TRAM2: variants seen among roughly 807,000 people sequenced by gnomAD.
TRAM2 encodes the protein translocation associated membrane protein 2, also known as translocating chain-associated membrane protein 2.
In TRAM2, 12 loss-of-function variants were observed where a neutral mutation model predicts 51.0. The ratio of observed to expected loss-of-function variants is 0.24; its 90% confidence interval spans 0.15 to 0.38. TRAM2 has a LOEUF of 0.38. TRAM2 is among the 10% of genes least tolerant of loss of function. The pLI, the probability that TRAM2 is intolerant of heterozygous loss-of-function variation, is 1.00. For missense variants in TRAM2, 361 were observed against 462.0 expected (o/e 0.78, Z 2.00); for synonymous variants, 175 against 179.4 (o/e 0.98, Z 0.20).
intron 1 of TRAM2, among the ~76,000 whole-genome samples, chr6:52,541,460 T>C (rs1439739849): frequency 6.6e-6 from 1 of 152,242 alleles, no homozygotes; most frequent in African/African-American, 2.4e-5. Context: ...AAACTTTACC[T>C]GATTCTACTT....
At chr6:52,520,655 A>G (rs1487786449) in intron 2 of TRAM2, among the ~76,000 whole-genome samples, 2 of 145,626 alleles carry the variant, frequency 1.4e-5, no homozygotes, top group Non-Finnish European at 3.1e-5. Context: ...GTGAATGAGG[A>G]AAGAGTTCAC....
At chr6:52,505,527 G>A (rs1766331280) in intron 9 of TRAM2, 72 bp downstream of exon 9, 5 of 1,521,440 alleles carry the variant, frequency 3.3e-6, no homozygotes, top group Non-Finnish European at 4.4e-6. Flanking sequence ...GCTGCCTCCA[G>A]ACCTTCTGCA....
At chr6:52,535,753 C>T (rs1255429729) in intron 2 of TRAM2, 30 bp downstream of exon 2, 2 of 1,596,892 alleles carry the variant, frequency 1.3e-6, no homozygotes, top group Admixed American at 3.4e-5. Context: ...TTAACAGGGC[C>T]AGGAGAAGAT....
At chr6:52,575,726 G>C (rs1767752171) in intron 1 of TRAM2, among the ~76,000 whole-genome samples, 1 of 152,184 alleles carries the variant, frequency 6.6e-6, no homozygotes. Flanking sequence ...ACCCAACCGT[G>C]AGAATGCAAT....
At chr6:52,508,923 A>C (rs1766398669) in intron 5 of TRAM2, among the ~76,000 whole-genome samples, 1 of 152,192 alleles carries the variant, frequency 6.6e-6, no homozygotes. Flanking sequence ...AATCCAAGCT[A>C]CTTGGGAGGC....
chr6:52,571,039 T>C (rs1280626946), intron 1 of TRAM2, among the ~76,000 whole-genome samples: 4 of 152,030 alleles, frequency 2.6e-5, no homozygotes. Flanking sequence ...AGAAGGGCTG[T>C]TCAGGAACCA....
At position 52,507,623 on chromosome 6, in the gene TRAM2, C is replaced by T. The variant is rs1355312163; in HGVS notation, c.556G>A (p.Glu186Lys). ...PELYFQKVRK[E>K]EIPRQLQYIC... Reference sequence around the variant, plus strand: ...TACTGGAGCTGGCGGGGAATTTCCTCCTGGAAACAAGAGAAGCAGATGGTA... The same window carrying T: ...TACTGGAGCTGGCGGGGAATTTCCTTCTGGAAACAAGAGAAGCAGATGGTA... Residue 186 changes from glutamate to lysine, a missense_variant and splice_region_variant, in exon 7 of 11, where the codon GAG becomes AAG. By Grantham distance (56) the Glu-to-Lys change is moderately conservative. Transcript: ENST00000182527. The T allele has an allele frequency of 1.2e-6, 2 of 1,613,974 alleles. No individual in the cohort carries two copies. Among genetic ancestry groups the T allele is most frequent in the Non-Finnish European group, 1.7e-6 (2 of 1,179,982 alleles).
chr6:52,541,232 A>C (rs1318750351), intron 1 of TRAM2, among the ~76,000 whole-genome samples: 1 of 152,170 alleles, frequency 6.6e-6, no homozygotes, highest in Admixed American at 6.5e-5. Context: ...TCTATTAATA[A>C]CGACAACAAC....
In TRAM2 at chr6:52,499,253, CAGAGTGAGGGAGGA is replaced by C. The variant is rs1290579264; in HGVS notation, c.*3930_*3943del. 6.6e-6 allele frequency: 1 copy of C among 152,128 alleles called. No individual in the cohort carries two copies. Among genetic ancestry groups the C allele is most frequent in the African/African-American group, 2.4e-5 (1 of 41,418 alleles). 9.4% of individuals were successfully genotyped at this position (152,128 alleles called of 1,614,324 possible). On this transcript the variant is annotated 3_prime_UTR_variant, in exon 11 of 11. Transcript: ENST00000182527. ...GAAAAGGAACCATAAGCTCGGAAGG[CAGAGTGAGGGAGGA>C]AGAGCACTCCATTGTCTTGACTCAA...
intron 4 of TRAM2, among the ~76,000 whole-genome samples, chr6:52,515,292 A>G (rs1377481058): frequency 2.0e-5 from 3 of 152,240 alleles, no homozygotes; most frequent in African/African-American, 7.2e-5. Context: ...CTAGCAGGAC[A>G]GGCAAGGTCT....
chr6:52,536,518 G>A (rs1581883958), intron 1 of TRAM2, among the ~76,000 whole-genome samples: 1 of 152,194 alleles, frequency 6.6e-6, no homozygotes, highest in East Asian at 1.9e-4. Flanking sequence ...GCAGGGGAGG[G>A]ATGACAAAAC....
At chr6:52,509,888 C>G (rs1157489453) in intron 4 of TRAM2, among the ~76,000 whole-genome samples, 1 of 152,144 alleles carries the variant, frequency 6.6e-6, no homozygotes, top group African/African-American at 2.4e-5. Flanking sequence ...ATTAGTTTCC[C>G]TAAGCCACAG....
At chr6:52,556,001 A>C (rs1034702923) in intron 1 of TRAM2, among the ~76,000 whole-genome samples, 1 of 152,228 alleles carries the variant, frequency 6.6e-6, no homozygotes, top group Non-Finnish European at 1.5e-5. Flanking sequence ...TGGTTAGGTC[A>C]CGCCTCAGTA....
rs2114050041 is a variant in TRAM2 at position 52,498,087 on chromosome 6, G to A, written c.*5110C>T. 1 of 152,534 alleles carries A rather than the reference G, an allele frequency of 6.6e-6. No homozygotes were observed. The highest frequency in any genetic ancestry group is 2.1e-4 in the South Asian group (1 of 4,832). 9.4% of individuals were successfully genotyped at this position (152,534 alleles called of 1,614,324 possible). Reference sequence around the variant, plus strand: ...AGATGATGCTACATGTTCTAAAAGAGTGCCACAGAAACCCACCCAGGATCA... The same window carrying A: ...AGATGATGCTACATGTTCTAAAAGAATGCCACAGAAACCCACCCAGGATCA... On this transcript the variant is annotated 3_prime_UTR_variant, in exon 11 of 11. Transcript: ENST00000182527.
Position 52,567,374 on chromosome 6 carries a change from C to A in TRAM2, c.120+9422G>T, listed in dbSNP as rs368568788. On this transcript the variant is annotated intron_variant, in intron 1 of 10. Transcript: ENST00000182527. ...AGCACAGTAGAGAGAGTTGTATCAA[C>A]AAATATGTTAGCTGGCTTGAATTTC... is the stretch of plus-strand genomic sequence containing the variant. Among the ~76,000 whole-genome samples, 7 of 152,320 alleles carry A rather than the reference C, an allele frequency of 4.6e-5. No individual in the cohort carries two copies. The East Asian group carries it at 1.3e-3, about 29-fold the overall frequency.
intron 4 of TRAM2, among the ~76,000 whole-genome samples, chr6:52,514,265 A>T (rs561265014): frequency 1.1e-4 from 16 of 148,576 alleles, no homozygotes; most frequent in South Asian, 8.3e-4. Flanking sequence ...TTATTTTTTT[A>T]AAAAAACAAG....
At chr6:52,512,646 C>G (rs34968708) in intron 4 of TRAM2, among the ~76,000 whole-genome samples, 3 of 152,172 alleles carry the variant, frequency 2.0e-5, no homozygotes, top group African/African-American at 7.2e-5. Flanking sequence ...TTTGTTCTCT[C>G]GATTCTACAA....
chr6:52,526,070 T>C, intron 2 of TRAM2, among the ~76,000 whole-genome samples: 1 of 151,972 alleles, frequency 6.6e-6, no homozygotes, highest in South Asian at 2.1e-4. Flanking sequence ...TCTCCAGAAC[T>C]GTGAGACAAT....
At chr6:52,575,658 T>A (rs1408349105) in intron 1 of TRAM2, among the ~76,000 whole-genome samples, 1 of 152,142 alleles carries the variant, frequency 6.6e-6, no homozygotes, top group East Asian at 1.9e-4. Context: ...GAAGGAAATT[T>A]AGCCAGGCAA....
Sources: allele counts gnomAD v4.1 joint callset (sites outside exome capture counted in the v4.1 genomes callset), GRCh38; gene constraint gnomAD v4.1.1; transcripts MANE v1.5; gene names NCBI Gene and HGNC (gene_info 2026-07-23, HGNC 2026-07-21).